Variants in MACROD2 observed in about 807,000 individuals in gnomAD.
MACROD2 encodes the protein ADP-ribose glycohydrolase MACROD2.
A neutral mutation model predicts 70.4 loss-of-function variants in MACROD2; 36 were observed. The observed-to-expected ratio is 0.51, with a 90% confidence interval of 0.39 to 0.68. The LOEUF (loss-of-function observed/expected upper bound fraction) is 0.68, where lower values mean the gene tolerates loss of function less well. Ranked by LOEUF, MACROD2 falls within the 30% of genes least tolerant of loss-of-function variation. The pLI is 0.00. For synonymous variants in MACROD2, 172 were observed against 178.8 expected (o/e 0.96, Z 0.30); for missense variants, 496 against 538.4 (o/e 0.92, Z 0.78).
intron 3 of MACROD2, among the ~76,000 whole-genome samples, chr20:14,232,245 T>A (rs1427112443): frequency 1.3e-5 from 2 of 152,230 alleles, no homozygotes; most frequent in Non-Finnish European, 2.9e-5. Flanking sequence ...CTACGATATT[T>A]AGAATGTTAA....
At chr20:15,082,047 A>G (rs2075707609) in intron 5 of MACROD2, among the ~76,000 whole-genome samples, 3 of 152,312 alleles carry the variant, frequency 2.0e-5, no homozygotes, top group South Asian at 2.1e-4. Flanking sequence ...CTGGTACCAC[A>G]TGTACACTCA....
At chr20:14,568,873 G>C (rs1047622498) in intron 4 of MACROD2, among the ~76,000 whole-genome samples, 5 of 152,014 alleles carry the variant, frequency 3.3e-5, no homozygotes, top group African/African-American at 1.2e-4. Context: ...TGGATTAGCT[G>C]TATCATTCCT....
At chr20:15,757,034 T>C (rs1017126200) in intron 8 of MACROD2, among the ~76,000 whole-genome samples, 2 of 152,240 alleles carry the variant, frequency 1.3e-5, no homozygotes, top group African/African-American at 4.8e-5. Flanking sequence ...AAAAGCACTT[T>C]GTTTGCATTG....
chr20:15,579,842 C>G (rs1367559291), intron 8 of MACROD2, among the ~76,000 whole-genome samples: 3 of 152,180 alleles, frequency 2.0e-5, no homozygotes, highest in African/African-American at 7.2e-5. Context: ...ATGTTAGACC[C>G]TCTCTTTTGC....
At chr20:15,029,176 G>T (rs1236529620) in intron 5 of MACROD2, among the ~76,000 whole-genome samples, 2 of 152,118 alleles carry the variant, frequency 1.3e-5, no homozygotes, top group African/African-American at 4.8e-5. Context: ...CAACCTAACT[G>T]CCACGCCTCC....
chr20:14,582,441 G>A (rs1234756140), intron 4 of MACROD2, among the ~76,000 whole-genome samples: 2 of 151,984 alleles, frequency 1.3e-5, no homozygotes, highest in African/African-American at 4.8e-5. Flanking sequence ...TCCTCCTCCT[G>A]ATGTCTCCCA....
intron 5 of MACROD2, among the ~76,000 whole-genome samples, chr20:15,146,675 T>A (rs2076232570): frequency 6.6e-6 from 1 of 152,164 alleles, no homozygotes. Flanking sequence ...CCTGACTCCT[T>A]TATATGACGA....
At chr20:14,664,694 A>T (rs2070718154) in intron 4 of MACROD2, among the ~76,000 whole-genome samples, 1 of 152,092 alleles carries the variant, frequency 6.6e-6, no homozygotes, top group South Asian at 2.1e-4. Context: ...AATGAAGCTC[A>T]CAGTAATTAT....
chr20:14,756,738 C>G (rs949145676), intron 5 of MACROD2, among the ~76,000 whole-genome samples: 3 of 152,052 alleles, frequency 2.0e-5, no homozygotes, highest in African/African-American at 7.3e-5. Context: ...ATGTTATACT[C>G]TTTTATAAGT....
chr20:15,963,571 G>A (rs1039037763), intron 12 of MACROD2, among the ~76,000 whole-genome samples: 2 of 152,032 alleles, frequency 1.3e-5, no homozygotes, highest in African/African-American at 4.8e-5. Context: ...TTCAAGATTT[G>A]CCATCACTGA....
At chr20:15,387,990 G>A (rs73267098) in intron 6 of MACROD2, among the ~76,000 whole-genome samples, 2,178 of 152,088 alleles carry the variant, frequency 0.014, 32 homozygotes, top group South Asian at 0.05. Context: ...GGCTCAAGCC[G>A]TCTTCCTGTC....
At chr20:14,596,399 G>T (rs1389069343) in intron 4 of MACROD2, among the ~76,000 whole-genome samples, 1 of 130,984 alleles carries the variant, frequency 7.6e-6, no homozygotes, top group Non-Finnish European at 1.5e-5. Context: ...CCATATATAT[G>T]TAATTTTTTA....
chr20:15,057,515 A>G (rs1601009920), intron 5 of MACROD2, among the ~76,000 whole-genome samples: 1 of 152,198 alleles, frequency 6.6e-6, no homozygotes, highest in East Asian at 1.9e-4. Context: ...CAGAGGCCAT[A>G]TATGGCCTTC....
At chr20:15,062,359 C>G (rs894769798) in intron 5 of MACROD2, among the ~76,000 whole-genome samples, 3 of 152,092 alleles carry the variant, frequency 2.0e-5, no homozygotes, top group Non-Finnish European at 4.4e-5. Context: ...CATGCACTGA[C>G]TGGGATGTAC....
chr20:15,837,847 T>C (rs766250111), intron 8 of MACROD2, among the ~76,000 whole-genome samples: 2 of 152,174 alleles, frequency 1.3e-5, no homozygotes, highest in Non-Finnish European at 2.9e-5. Context: ...TTAGTCTTTT[T>C]GTAATTTGAA....
chr20:14,839,038 T>G (rs189560268), intron 5 of MACROD2, among the ~76,000 whole-genome samples: 6 of 152,090 alleles, frequency 3.9e-5, no homozygotes, highest in Non-Finnish European at 7.4e-5. Context: ...TCTCCTGGCC[T>G]AATGACCTTG....
intron 6 of MACROD2, among the ~76,000 whole-genome samples, chr20:15,365,609 C>T (rs886768209): frequency 4.6e-5 from 7 of 150,988 alleles, no homozygotes; most frequent in Non-Finnish European, 8.8e-5. Context: ...TGCAGTGAGC[C>T]GAGATCGCAC....
chr20:15,092,564 T>TTAA, intron 5 of MACROD2, among the ~76,000 whole-genome samples: 1 of 151,708 alleles, frequency 6.6e-6, no homozygotes, highest in Middle Eastern at 3.4e-3. Flanking sequence ...TACTATTAAG[T>TTAA]TAAGATCTTA....
intron 15 of MACROD2, among the ~76,000 whole-genome samples, chr20:15,995,771 T>C (rs1375652352): frequency 6.6e-6 from 1 of 151,440 alleles, no homozygotes; most frequent in African/African-American, 2.4e-5. Context: ...TTGTCACAAA[T>C]GGCAGGATTT....
Sources: allele counts gnomAD v4.1 joint callset (sites outside exome capture counted in the v4.1 genomes callset), GRCh38; gene constraint gnomAD v4.1.1; transcripts MANE v1.5; gene names NCBI Gene and HGNC (gene_info 2026-07-23, HGNC 2026-07-21).